Variants in SNX3 observed in about 807,000 individuals in gnomAD.
SNX3 encodes sorting nexin 3.
In SNX3, 5 loss-of-function variants were observed where a neutral mutation model predicts 17.7. That is an observed-to-expected ratio of 0.28 (90% CI 0.15 to 0.59). The LOEUF is 0.59. SNX3 is among the 20% of genes least tolerant of loss of function. The probability of loss-of-function intolerance (pLI) is 0.88; values close to 1 mark genes in which losing one functional copy is unlikely to be tolerated. For missense variants in SNX3, 132 were observed against 206.8 expected (o/e 0.64, Z 2.22); for synonymous variants, 91 against 76.5 (o/e 1.19, Z -0.99).
intron 1 of SNX3, among the ~76,000 whole-genome samples, chr6:108,245,053 A>G (rs1360183888): frequency 6.6e-6 from 1 of 152,080 alleles, no homozygotes; most frequent in Non-Finnish European, 1.5e-5. Context: ...TCAACCCGTC[A>G]TCTAAGTTTT....
At chr6:108,245,188 C>G (rs1338824862) in intron 1 of SNX3, among the ~76,000 whole-genome samples, 1 of 152,098 alleles carries the variant, frequency 6.6e-6, no homozygotes, top group Non-Finnish European at 1.5e-5. Context: ...TCAACTCCCA[C>G]TAATAAGTGA....
intron 1 of SNX3, among the ~76,000 whole-genome samples, chr6:108,254,629 GACA>G (rs1562442211): frequency 6.6e-6 from 1 of 152,196 alleles, no homozygotes; most frequent in Non-Finnish European, 1.5e-5. Context: ...GGGTGATTAT[GACA>G]GTCCCTGTCC....
chr6:108,241,757 T>C (rs561987075), intron 1 of SNX3, among the ~76,000 whole-genome samples: 3 of 152,176 alleles, frequency 2.0e-5, no homozygotes, highest in Non-Finnish European at 4.4e-5. Context: ...CTCTACAACG[T>C]ATTATCTAAA....
intron 1 of SNX3, among the ~76,000 whole-genome samples, chr6:108,259,950 G>T (rs1052742450): frequency 6.6e-6 from 1 of 152,202 alleles, no homozygotes; most frequent in African/African-American, 2.4e-5. Flanking sequence ...ATTATAGAGT[G>T]AAAGTGAAGC....
At chr6:108,258,331 G>A (rs1776089827) in intron 1 of SNX3, among the ~76,000 whole-genome samples, 1 of 151,896 alleles carries the variant, frequency 6.6e-6, no homozygotes, top group African/African-American at 2.4e-5. Context: ...GGTGGCGCAT[G>A]CCTGTAATCC....
chr6:108,257,539 A>G (rs775197868), intron 1 of SNX3, among the ~76,000 whole-genome samples: 1 of 152,212 alleles, frequency 6.6e-6, no homozygotes, highest in African/African-American at 2.4e-5. Context: ...ACAAAATATT[A>G]AACTATTCAT....
At chr6:108,235,272 A>C (rs1775290745) in intron 1 of SNX3, among the ~76,000 whole-genome samples, 1 of 152,160 alleles carries the variant, frequency 6.6e-6, no homozygotes, top group Non-Finnish European at 1.5e-5. Flanking sequence ...AGGAGAACTG[A>C]GGACCTGATC....
intron 1 of SNX3, among the ~76,000 whole-genome samples, chr6:108,242,924 C>T (rs186481558): frequency 3.3e-5 from 5 of 152,184 alleles, no homozygotes; most frequent in Admixed American, 6.5e-5. Context: ...AGAGAACTCC[C>T]GGGCCTCAGA....
chr6:108,214,283 C>T (rs1055416622), intron 3 of SNX3, among the ~76,000 whole-genome samples: 16 of 152,032 alleles, frequency 1.1e-4, no homozygotes, highest in African/African-American at 3.1e-4. Flanking sequence ...AAATACAAAA[C>T]GTAGGTCAAC....
At chr6:108,251,224 A>T (rs1049506815) in intron 1 of SNX3, among the ~76,000 whole-genome samples, 1 of 152,188 alleles carries the variant, frequency 6.6e-6, no homozygotes, top group African/African-American at 2.4e-5. Flanking sequence ...CTCACTTAAG[A>T]CTTCCAAACT....
At chr6:108,241,590 A>T (rs1775525255) in intron 1 of SNX3, among the ~76,000 whole-genome samples, 1 of 152,122 alleles carries the variant, frequency 6.6e-6, no homozygotes. Context: ...AAACTGACTC[A>T]GGGTGACCCT....
intron 1 of SNX3, among the ~76,000 whole-genome samples, chr6:108,234,263 C>A (rs1224784384): frequency 7.2e-6 from 1 of 139,266 alleles, no homozygotes; most frequent in Non-Finnish European, 1.5e-5. Flanking sequence ...ATAACATATA[C>A]ATGTGACAGC....
chr6:108,259,080 AG>A, intron 1 of SNX3, among the ~76,000 whole-genome samples: 1 of 152,298 alleles, frequency 6.6e-6, no homozygotes, highest in South Asian at 2.1e-4. Flanking sequence ...AGGGCAAAAG[AG>A]GAAGTTCTTT....
At chr6:108,216,726 T>C (rs1249791983) in intron 2 of SNX3, among the ~76,000 whole-genome samples, 1 of 152,174 alleles carries the variant, frequency 6.6e-6, no homozygotes, top group Non-Finnish European at 1.5e-5. Context: ...GAGTTGTTTA[T>C]CCTCAAACAA....
intron 1 of SNX3, among the ~76,000 whole-genome samples, chr6:108,228,811 C>T (rs995061461): frequency 2.6e-5 from 4 of 151,862 alleles, no homozygotes; most frequent in Admixed American, 6.6e-5. Context: ...TCCACACATA[C>T]AAAAATATTT....
At chr6:108,251,601 T>C (rs887299339) in intron 1 of SNX3, among the ~76,000 whole-genome samples, 4 of 152,220 alleles carry the variant, frequency 2.6e-5, no homozygotes, top group African/African-American at 9.7e-5. Context: ...AACCCTGGAC[T>C]GTACCTGAAA....
chr6:108,214,680 G>A, intron 2 of SNX3, 58 bp from the exon 3 acceptor site: 3 of 1,563,586 alleles, frequency 1.9e-6, no homozygotes, highest in Admixed American at 1.9e-5. Flanking sequence ...AAAATTTATA[G>A]AGCACAACAT....
intron 1 of SNX3, among the ~76,000 whole-genome samples, chr6:108,257,195 G>A (rs1458550845): frequency 1.3e-5 from 2 of 152,132 alleles, no homozygotes; most frequent in African/African-American, 2.4e-5. Context: ...GTAGGGGTTC[G>A]GGAGAGCAGC....
chr6:108,214,709 C>A, intron 2 of SNX3, 87 bp from the exon 3 acceptor site: 1 of 1,373,676 alleles, frequency 7.3e-7, no homozygotes, highest in Non-Finnish European at 9.9e-7. Flanking sequence ...AGCATGTCCT[C>A]ACTATGACAG....
Sources: gnomAD v4.1 joint callset for allele counts (sites outside exome capture counted in the v4.1 genomes callset) on GRCh38, gnomAD v4.1.1 for gene constraint, MANE v1.5 for transcripts, NCBI Gene and HGNC (gene_info 2026-07-23, HGNC 2026-07-21) for gene names.